The following PPM1H variants were observed in gnomAD, a reference collection of about 807,000 sequenced individuals.
PPM1H encodes protein phosphatase, Mg2+/Mn2+ dependent 1H, also known as protein phosphatase 1H.
PPM1H carries 27 observed loss-of-function variants against 54.9 expected under a neutral mutation model. The ratio of observed to expected loss-of-function variants is 0.49; its 90% CI spans 0.36 to 0.68. PPM1H has a LOEUF of 0.68. PPM1H is among the 30% of genes least tolerant of loss of function. The pLI, the probability that PPM1H is intolerant of heterozygous loss-of-function variation, is 0.00. For synonymous variants in PPM1H, 305 were observed against 270.8 expected (o/e 1.13, Z -1.24); for missense variants, 596 against 667.8 (o/e 0.89, Z 1.19).
chr12:62,856,285 C>G (rs1869385193), intron 1 of PPM1H, among the ~76,000 whole-genome samples: 1 of 152,094 alleles, frequency 6.6e-6, no homozygotes, highest in Admixed American at 6.6e-5. Context: ...AGAGGGTTTG[C>G]TTGGTTCTGC....
intron 4 of PPM1H, among the ~76,000 whole-genome samples, chr12:62,740,294 T>C (rs547608921): frequency 6.6e-6 from 1 of 152,308 alleles, no homozygotes; most frequent in South Asian, 2.1e-4. Context: ...AATGGCCCTT[T>C]TGTTGCTACA....
At chr12:62,903,458 G>A (rs900379556) in intron 1 of PPM1H, among the ~76,000 whole-genome samples, 1 of 152,122 alleles carries the variant, frequency 6.6e-6, no homozygotes, top group South Asian at 2.1e-4. Flanking sequence ...ATGCTTTTGT[G>A]ATATTTGAAG....
At chr12:62,663,335 A>T (rs1263966402) in intron 9 of PPM1H, among the ~76,000 whole-genome samples, 1 of 67,710 alleles carries the variant, frequency 1.5e-5, no homozygotes, top group Non-Finnish European at 4.9e-5. Flanking sequence ...ATTCTCTTTT[A>T]AAAAAAAAAA....
chr12:62,709,262 G>A (rs2076193314), intron 6 of PPM1H, among the ~76,000 whole-genome samples: 1 of 152,148 alleles, frequency 6.6e-6, no homozygotes, highest in South Asian at 2.1e-4. Context: ...CAGTCTCCAT[G>A]AATGCCCCCA....
chr12:62,821,035 A>G lies in PPM1H; in HGVS notation c.411+11079T>C, dbSNP rs374070104. On this transcript the variant is annotated intron_variant, in intron 2 of 9. Coordinates refer to ENST00000228705, the MANE Select transcript of PPM1H (RefSeq NM_020700.2). ...GCTAAAAACCTTGAAAAAAGATCAGATGAATGGCTAACTAGAATAAACAGT... is the reference window on the plus strand; with the variant it reads ...GCTAAAAACCTTGAAAAAAGATCAGGTGAATGGCTAACTAGAATAAACAGT... Among the ~76,000 whole-genome samples the G allele has an allele frequency of 1.5e-4, 23 of 152,296 alleles. No homozygotes were observed. The East Asian group carries it at 2.7e-3, about 18-fold the overall frequency.
chr12:62,763,791 T>C (rs2076524634), intron 4 of PPM1H, among the ~76,000 whole-genome samples: 1 of 152,204 alleles, frequency 6.6e-6, no homozygotes, highest in South Asian at 2.1e-4. Context: ...GAGAGGCTAG[T>C]GGTTTGGCCA....
chr12:62,771,887 C>A (rs543965308), intron 4 of PPM1H, among the ~76,000 whole-genome samples: 2 of 152,248 alleles, frequency 1.3e-5, no homozygotes, highest in South Asian at 2.1e-4. Flanking sequence ...ATTAACTAAG[C>A]CTTCAGTTCT....
At chr12:62,897,239 T>TA (rs1268255396) in intron 1 of PPM1H, among the ~76,000 whole-genome samples, 3 of 151,478 alleles carry the variant, frequency 2.0e-5, no homozygotes, top group Admixed American at 6.6e-5. Flanking sequence ...CCCTAGAACT[T>TA]AAAGTATAAT....
intron 1 of PPM1H, among the ~76,000 whole-genome samples, chr12:62,857,817 A>G (rs112438008): frequency 6.6e-6 from 1 of 152,104 alleles, no homozygotes; most frequent in South Asian, 2.1e-4. Flanking sequence ...AACATTTATT[A>G]TATTGTGCAC....
intron 2 of PPM1H, among the ~76,000 whole-genome samples, chr12:62,806,606 C>T (rs768461629): frequency 6.6e-6 from 1 of 152,158 alleles, no homozygotes; most frequent in Non-Finnish European, 1.5e-5. Context: ...TGAGTGAGTT[C>T]TCACGAGATC....
At chr12:62,739,451 G>A (rs903138781) in intron 4 of PPM1H, among the ~76,000 whole-genome samples, 4 of 152,198 alleles carry the variant, frequency 2.6e-5, no homozygotes, top group Non-Finnish European at 5.9e-5. Flanking sequence ...AGGATCTAGA[G>A]GGCCCCTGAG....
chr12:62,881,981 C>T (rs769660097), intron 1 of PPM1H, among the ~76,000 whole-genome samples: 7 of 152,158 alleles, frequency 4.6e-5, no homozygotes, highest in African/African-American at 9.7e-5. Context: ...TTTAACAGCA[C>T]AATTCTAGAC....
chr12:62,900,223 A>G (rs901840370), intron 1 of PPM1H, among the ~76,000 whole-genome samples: 1 of 152,104 alleles, frequency 6.6e-6, no homozygotes, highest in African/African-American at 2.4e-5. Context: ...GAAGGAAAGG[A>G]CTCATTGTTC....
chr12:62,930,259 A>G (rs1872092286), intron 1 of PPM1H, among the ~76,000 whole-genome samples: 1 of 152,188 alleles, frequency 6.6e-6, no homozygotes, highest in East Asian at 1.9e-4. Context: ...TGAGACATAC[A>G]CTTATATGAT....
intron 5 of PPM1H, among the ~76,000 whole-genome samples, chr12:62,721,883 T>C (rs959501845): frequency 2.0e-5 from 3 of 152,186 alleles, no homozygotes; most frequent in Non-Finnish European, 4.4e-5. Context: ...AATCCTATTA[T>C]ATCCTGAGTA....
intron 8 of PPM1H, among the ~76,000 whole-genome samples, chr12:62,679,553 G>T (rs2076007258): frequency 6.6e-6 from 1 of 152,072 alleles, no homozygotes; most frequent in African/African-American, 2.4e-5. Context: ...AAATTTTGGG[G>T]GCTCTCAAGA....
chr12:62,698,507 T>C (rs1244136699), intron 6 of PPM1H, among the ~76,000 whole-genome samples: 1 of 152,166 alleles, frequency 6.6e-6, no homozygotes, highest in East Asian at 1.9e-4. Flanking sequence ...CTAGTCCCCA[T>C]GCATCCAACA....
intron 4 of PPM1H, among the ~76,000 whole-genome samples, chr12:62,779,193 A>G (rs1402375690): frequency 1.3e-5 from 2 of 151,972 alleles, no homozygotes. Flanking sequence ...CCACGCCACC[A>G]TGCCTGGCTA....
chr12:62,895,415 G>A (rs1409668948), intron 1 of PPM1H, among the ~76,000 whole-genome samples: 6 of 152,200 alleles, frequency 3.9e-5, no homozygotes, highest in African/African-American at 1.2e-4. Flanking sequence ...TTGAAGGCCA[G>A]GGGCACAGGG....
Sources: gnomAD v4.1 joint callset for allele counts (sites outside exome capture counted in the v4.1 genomes callset) on GRCh38, gnomAD v4.1.1 for gene constraint, MANE v1.5 for transcripts, NCBI Gene and HGNC (gene_info 2026-07-23, HGNC 2026-07-21) for gene names.